SEMA6A: variants seen among roughly 807,000 people sequenced by gnomAD.
SEMA6A encodes semaphorin-6A.
SEMA6A carries 25 observed loss-of-function variants against 96.8 expected under a neutral mutation model. The ratio of observed to expected loss-of-function variants is 0.26; its 90% CI spans 0.19 to 0.36. The LOEUF is 0.36. SEMA6A is among the 10% of genes least tolerant of loss of function. SEMA6A has a pLI of 1.00. For synonymous variants in SEMA6A, 612 were observed against 518.0 expected, an observed-to-expected ratio of 1.18 and a Z score of -2.46; for missense variants, 1,363 against 1,323.1, an observed-to-expected ratio of 1.03 and a Z score of -0.47.
intron 1 of SEMA6A, among the ~76,000 whole-genome samples, chr5:116,538,183 GCAAAACAAAA>G (rs71923662): frequency 1.1e-4 from 17 of 151,698 alleles, no homozygotes; most frequent in South Asian, 2.1e-4. Context: ...CAAAAACAAA[GCAAAACAAAA>G]CAAAACAAAA....
chr5:116,491,704 A>G (rs1220628936), intron 7 of SEMA6A, 36 bp downstream of exon 7: 1 of 1,548,180 alleles, frequency 6.5e-7, no homozygotes, highest in African/African-American at 1.4e-5. Flanking sequence ...GAAACAAGCA[A>G]AAGCAAGTGC....
intron 5 of SEMA6A, 94 bp downstream of exon 5, chr5:116,496,157 G>A: frequency 9.3e-7 from 1 of 1,072,656 alleles, no homozygotes. Context: ...AAAGGAAAAA[G>A]CACAATCCAT....
chr5:116,493,143 G>A (rs1028819146), intron 6 of SEMA6A, among the ~76,000 whole-genome samples: 2 of 152,200 alleles, frequency 1.3e-5, no homozygotes, highest in African/African-American at 4.8e-5. Context: ...ATTATTATAA[G>A]TGTAGAATCA....
Position 116,574,466 on chromosome 5 carries a change from A to G in SEMA6A, c.-320T>C, listed in dbSNP as rs965305625. The G allele has an allele frequency of 6.6e-6, 1 of 152,220 alleles. No individual in the cohort carries two copies. The highest frequency in any genetic ancestry group is 1.5e-5 in the Non-Finnish European group (1 of 68,096). The allele number at this position is 152,220 out of a possible 1,614,324, so 9.4% of individuals were successfully genotyped here. A position where few individuals can be genotyped will look rare whatever the true frequency, so the allele number is the denominator to read the frequency against. The stretch of plus-strand genomic sequence containing the variant: ...AAAAAAAAAGAAGAAAAAGAAAAAG[A>G]AAACCAACAAGGAAGAGGGTAAATG... On this transcript the variant is annotated 5_prime_UTR_variant, in exon 1 of 19. Coordinates refer to ENST00000343348, the MANE Select transcript of SEMA6A (RefSeq NM_020796.5).
In SEMA6A at chr5:116,478,135, C is replaced by T. The variant is rs557625636; in HGVS notation, c.1447G>A (p.Glu483Lys). The change falls in exon 14 of 19, where the codon GAA becomes AAA. Residue 483 changes from glutamate (E) to lysine (K), a missense_variant. Glu to Lys is a moderately conservative substitution (Grantham distance 56). This residue lies in a region of SEMA6A where 883 missense variants were observed against 763.6 expected (regional missense o/e 1.16). Transcript: ENST00000343348. Reference sequence around the variant, plus strand: ...TGCATGCCCATGATCCTTTTGTCTTCGACTCCATCATAGCTGCATCTAATT... The same window carrying T: ...TGCATGCCCATGATCCTTTTGTCTTTGACTCCATCATAGCTGCATCTAATT... ...NSEKCSYDGV[E>K]DKRIMGMQLD... 1.6e-4 allele frequency: 265 copies of T among 1,613,862 alleles called. 1 individual carries two copies. The highest frequency in any genetic ancestry group is 8.2e-4 in the Middle Eastern group (5 of 6,062).
intron 1 of SEMA6A, among the ~76,000 whole-genome samples, chr5:116,556,974 T>C (rs1760633019): frequency 6.6e-6 from 1 of 152,216 alleles, no homozygotes. Flanking sequence ...TGGAGTATGC[T>C]TATTCTTCAT....
chr5:116,542,705 G>A (rs1184992065), intron 1 of SEMA6A, among the ~76,000 whole-genome samples: 1 of 152,196 alleles, frequency 6.6e-6, no homozygotes, highest in Non-Finnish European at 1.5e-5. Flanking sequence ...AAACCTGTGA[G>A]GGTTACCATT....
At chr5:116,559,289 A>C (rs1162778692) in intron 1 of SEMA6A, among the ~76,000 whole-genome samples, 1 of 152,166 alleles carries the variant, frequency 6.6e-6, no homozygotes, top group Admixed American at 6.6e-5. Context: ...GGGGGGATGA[A>C]TAACTCCTCC....
intron 3 of SEMA6A, among the ~76,000 whole-genome samples, chr5:116,500,514 T>C (rs529543318): frequency 2.0e-5 from 3 of 152,254 alleles, no homozygotes; most frequent in Non-Finnish European, 2.9e-5. Context: ...TATAAGTATT[T>C]GTAAAGTAAA....
chr5:116,568,872 C>T (rs1339497209), intron 1 of SEMA6A, among the ~76,000 whole-genome samples: 2 of 152,300 alleles, frequency 1.3e-5, no homozygotes, highest in Non-Finnish European at 1.5e-5. Context: ...TACACACACA[C>T]ACATGCATGC....
chr5:116,473,405 A>G (rs1027845117), intron 16 of SEMA6A, among the ~76,000 whole-genome samples: 1 of 152,240 alleles, frequency 6.6e-6, no homozygotes, highest in Non-Finnish European at 1.5e-5. Flanking sequence ...ACCCTTCTTT[A>G]TACAGAGGGA....
intron 18 of SEMA6A, among the ~76,000 whole-genome samples, chr5:116,464,438 G>A (rs1259065467): frequency 6.6e-6 from 1 of 152,140 alleles, no homozygotes; most frequent in Non-Finnish European, 1.5e-5. Flanking sequence ...GGTAATGAAG[G>A]GCAAGGCCAG....
chr5:116,525,038 T>C (rs549679433), intron 1 of SEMA6A, among the ~76,000 whole-genome samples: 2 of 152,354 alleles, frequency 1.3e-5, no homozygotes, highest in African/African-American at 4.8e-5. Context: ...CAATTCTTTA[T>C]TCCTGGAGCA....
chr5:116,531,246 T>G (rs1428509094), intron 1 of SEMA6A, among the ~76,000 whole-genome samples: 1 of 151,940 alleles, frequency 6.6e-6, no homozygotes, highest in African/African-American at 2.4e-5. Context: ...GTCAATAAAG[T>G]TTTTTTAAAA....
chr5:116,519,636 A>T (rs1758835228), intron 1 of SEMA6A, among the ~76,000 whole-genome samples: 1 of 151,878 alleles, frequency 6.6e-6, no homozygotes, highest in African/African-American at 2.4e-5. Flanking sequence ...TGCAGACTAT[A>T]CATAAGTGGC....
At chr5:116,478,197 C>G (rs750586426) in intron 13 of SEMA6A, 43 bp from the exon 14 acceptor site, 4 of 1,597,030 alleles carry the variant, frequency 2.5e-6, no homozygotes, top group Non-Finnish European at 3.4e-6. Context: ...AGACTCTTCT[C>G]TTTTTCTCGG....
intron 9 of SEMA6A, among the ~76,000 whole-genome samples, chr5:116,487,689 C>G (rs188332274): frequency 6.6e-6 from 1 of 152,062 alleles, no homozygotes; most frequent in Non-Finnish European, 1.5e-5. Flanking sequence ...CATGGCGAAA[C>G]CCTGTCTCTA....
intron 1 of SEMA6A, among the ~76,000 whole-genome samples, chr5:116,527,044 G>C (rs1202245332): frequency 1.2e-4 from 18 of 152,054 alleles, no homozygotes; most frequent in Admixed American, 9.2e-4. Context: ...TATTACATTA[G>C]ATATTTTATT....
At chr5:116,478,348 GTATC>G (rs1414044311) in intron 13 of SEMA6A, 190 bp downstream of exon 13, 17 of 761,982 alleles carry the variant, frequency 2.2e-5, no homozygotes, top group Non-Finnish European at 3.3e-5. Context: ...ACACATATAT[GTATC>G]TATATAAACA....
Sources: gnomAD v4.1 joint callset for allele counts (sites outside exome capture counted in the v4.1 genomes callset) on GRCh38, gnomAD v4.1.1 for gene constraint, gnomAD v4.1.1 regional missense constraint, MANE v1.5 for transcripts, NCBI Gene and HGNC (gene_info 2026-07-23, HGNC 2026-07-21) for gene names.